SLF1: variants seen among roughly 807,000 people sequenced by gnomAD.
SLF1 encodes SMC5-SMC6 complex localization factor protein 1.
A neutral mutation model predicts 123.0 loss-of-function variants in SLF1; 105 were observed. That is an observed-to-expected ratio of 0.85 (90% CI 0.73 to 1.00). The LOEUF (loss-of-function observed/expected upper bound fraction) is 1.00. SLF1 is among the 50% of genes least tolerant of loss of function. The pLI, the probability that SLF1 is intolerant of heterozygous loss-of-function variation, is 0.00. For synonymous variants in SLF1, 434 were observed against 406.6 expected, an observed-to-expected ratio of 1.07 and a Z score of -0.81; for missense variants, 1,239 against 1,223.0, an observed-to-expected ratio of 1.01 and a Z score of -0.20.
chr5:94,657,553 C>A (rs564516192), intron 9 of SLF1, among the ~76,000 whole-genome samples: 1 of 152,100 alleles, frequency 6.6e-6, no homozygotes, highest in East Asian at 1.9e-4. Flanking sequence ...CTGTTAGGTT[C>A]ATTTGTTCTA....
chr5:94,627,690 G>A (rs1585098840), intron 1 of SLF1, among the ~76,000 whole-genome samples: 1 of 147,196 alleles, frequency 6.8e-6, no homozygotes, highest in Non-Finnish European at 1.5e-5. Flanking sequence ...ACTAAATGCT[G>A]TGAGACCATG....
chr5:94,662,455 G>A, intron 10 of SLF1, 104 bp downstream of exon 10: 1 of 910,766 alleles, frequency 1.1e-6, no homozygotes, highest in East Asian at 3.1e-5. Flanking sequence ...CACAATAAAA[G>A]GTAACGTATT....
At chr5:94,678,722 G>A in intron 14 of SLF1, 86 bp from the exon 15 acceptor site, 1 of 1,193,286 alleles carries the variant, frequency 8.4e-7, no homozygotes, top group Non-Finnish European at 1.2e-6. Context: ...GCTATGTTTT[G>A]CCCCTCAAAA....
At chr5:94,667,544 T>C (rs1347655724) in intron 12 of SLF1, among the ~76,000 whole-genome samples, 1 of 152,168 alleles carries the variant, frequency 6.6e-6, no homozygotes, top group African/African-American at 2.4e-5. Context: ...CATATTAAAG[T>C]CCTTCATTGA....
intron 3 of SLF1, 89 bp downstream of exon 3, chr5:94,629,256 A>G (rs1648350887): frequency 4.5e-6 from 4 of 893,764 alleles, no homozygotes; most frequent in Non-Finnish European, 6.5e-6. Context: ...GCATATTTAC[A>G]TATCAAACCT....
chr5:94,691,488 A>C lies in SLF1; in HGVS notation c.2420-76A>C. The C allele has an allele frequency of 1.1e-5, 12 of 1,106,166 alleles. No homozygotes were observed. In the South Asian group the frequency reaches 1.7e-4, roughly 16 times the overall value. The allele number at this position is 1,106,166 out of a possible 1,614,324, so 68.5% of individuals were successfully genotyped here. A position where few individuals can be genotyped will look rare whatever the true frequency, so the allele number is the denominator to read the frequency against. ...TTTCTGGCATGGGGCCAGATCTCCT[A>C]GTTCATGCCCTTTGATTATTTTTTT... On this transcript the variant is annotated intron_variant, in intron 18 of 20. Transcript: ENST00000265140.
chr5:94,661,790 G>A (rs1749153457), intron 9 of SLF1, among the ~76,000 whole-genome samples: 2 of 152,146 alleles, frequency 1.3e-5, no homozygotes, highest in Admixed American at 6.5e-5. Context: ...GTCCAGCTTG[G>A]CCTTCCAAAG....
At chr5:94,631,055 T>C (rs1003825437) in intron 4 of SLF1, among the ~76,000 whole-genome samples, 1 of 152,234 alleles carries the variant, frequency 6.6e-6, no homozygotes, top group Non-Finnish European at 1.5e-5. Context: ...TGAAGCACTT[T>C]TAGACTTTTG....
chr5:94,639,405 T>C (rs979944486), intron 4 of SLF1, among the ~76,000 whole-genome samples: 3 of 152,220 alleles, frequency 2.0e-5, no homozygotes, highest in Non-Finnish European at 2.9e-5. Flanking sequence ...TTCAGTGTTT[T>C]TAATGGTTTC....
At chr5:94,630,888 G>A (rs1161821012) in intron 4 of SLF1, 145 bp downstream of exon 4, 8 of 842,626 alleles carry the variant, frequency 9.5e-6, no homozygotes, top group South Asian at 1.9e-5. Context: ...CATTATGCTC[G>A]TTTAGACTTA....
rs149704113 is a variant in SLF1, at chr5:94,638,676, A to G, written c.432-4597A>G. 2.5e-4 allele frequency among the ~76,000 whole-genome samples: 38 copies of G among 152,312 alleles called. No individual in the cohort carries two copies. The South Asian group carries it at 7.0e-3, about 28-fold the overall frequency. The stretch of plus-strand genomic sequence containing the variant: ...ATCCTTTCTGTGTGGCACTATGCCA[A>G]CTTGGGTAAGGGAGAGGTGTGATGG... On this transcript the variant is annotated intron_variant, in intron 4 of 20. Transcript: ENST00000265140.
chr5:94,689,505 T>TA lies in SLF1; in HGVS notation c.2325dup (p.Leu776IlefsTer21). The TA allele has an allele frequency of 6.2e-7, 1 of 1,612,620 alleles. No homozygotes were observed. Among genetic ancestry groups the TA allele is most frequent in the Non-Finnish European group, 8.5e-7 (1 of 1,179,158 alleles). On this transcript the variant is annotated frameshift_variant, in exon 18 of 21. Transcript: ENST00000265140. LOFTEE classifies it high-confidence loss of function. Reference sequence around the variant, plus strand: ...AACCTTGCTAAATGTTCCTCATCATTAAAAAAATTGAAAAAGAAGTCAGAA... The same window carrying TA: ...AACCTTGCTAAATGTTCCTCATCATTAAAAAAAATTGAAAAAGAAGTCAGAA...
intron 9 of SLF1, among the ~76,000 whole-genome samples, chr5:94,656,830 T>C (rs1180839319): frequency 1.4e-5 from 2 of 143,872 alleles, no homozygotes. Flanking sequence ...TGTGTCCTTT[T>C]TCACTTCTGA....
At chr5:94,653,189 A>G (rs1419085055) in intron 7 of SLF1, 83 bp from the exon 8 acceptor site, 2 of 1,294,622 alleles carry the variant, frequency 1.5e-6, no homozygotes, top group Admixed American at 5.9e-5. Flanking sequence ...GTATGAAAGT[A>G]TGAAAGTCAC....
chr5:94,646,530 C>T (rs1181242257), intron 5 of SLF1, among the ~76,000 whole-genome samples: 1 of 152,092 alleles, frequency 6.6e-6, no homozygotes, highest in Non-Finnish European at 1.5e-5. Context: ...AAACTATGTG[C>T]AAGGTACAGG....
chr5:94,624,375 A>G (rs897675614), intron 1 of SLF1, among the ~76,000 whole-genome samples: 3 of 152,182 alleles, frequency 2.0e-5, no homozygotes, highest in Non-Finnish European at 4.4e-5. Flanking sequence ...TTGACAGAAA[A>G]TGCTGTTAAA....
At chr5:94,621,924 ATC>A (rs996055703) in intron 1 of SLF1, among the ~76,000 whole-genome samples, 2 of 151,870 alleles carry the variant, frequency 1.3e-5, no homozygotes, top group South Asian at 2.1e-4. Flanking sequence ...GTGCGTGTGC[ATC>A]TCTCCTATCT....
chr5:94,644,250 CT>C (rs1446827253), intron 5 of SLF1, among the ~76,000 whole-genome samples: 1 of 152,136 alleles, frequency 6.6e-6, no homozygotes, highest in African/African-American at 2.4e-5. Context: ...ATTAATCTTC[CT>C]GTAACTCTAC....
intron 10 of SLF1, among the ~76,000 whole-genome samples, 200 bp from the exon 11 acceptor site, chr5:94,663,550 A>G (rs1749383375): frequency 6.6e-6 from 1 of 152,254 alleles, no homozygotes; most frequent in Non-Finnish European, 1.5e-5. Context: ...AGGTTGAGGC[A>G]GGAGAATCAC....
Sources: allele counts gnomAD v4.1 joint callset (sites outside exome capture counted in the v4.1 genomes callset), GRCh38; gene constraint gnomAD v4.1.1; transcripts MANE v1.5; gene names NCBI Gene and HGNC (gene_info 2026-07-23, HGNC 2026-07-21).